DNAH8: variants seen among roughly 807,000 people sequenced by gnomAD.
The protein encoded by DNAH8 is dynein axonemal heavy chain 8, also known as axonemal beta dynein heavy chain 8.
Under a neutral mutation model 562.1 loss-of-function variants are expected in DNAH8, and 382 were observed. The ratio of observed to expected loss-of-function variants is 0.68; its 90% CI spans 0.63 to 0.74. The LOEUF is 0.74. Among genes scored for constraint, DNAH8 ranks in the 30% least tolerant of loss-of-function variants. DNAH8 has a pLI of 0.00. For synonymous variants in DNAH8, 1,881 were observed against 1,919.4 expected, an observed-to-expected ratio of 0.98 and a Z score of 0.52; for missense variants, 5,203 against 5,620.4, an observed-to-expected ratio of 0.93 and a Z score of 2.37.
At chr6:38,834,960 T>A (rs1226635408) in intron 32 of DNAH8, among the ~76,000 whole-genome samples, 1 of 152,146 alleles carries the variant, frequency 6.6e-6, no homozygotes, top group Non-Finnish European at 1.5e-5. Context: ...AAAATAATAT[T>A]TTAAATATTG....
chr6:39,026,070 T>C (rs1345073214), intron 91 of DNAH8, among the ~76,000 whole-genome samples: 1 of 152,258 alleles, frequency 6.6e-6, no homozygotes, highest in African/African-American at 2.4e-5. Context: ...GTTTTCTATT[T>C]TGGCATTATG....
chr6:39,008,910 T>G lies in DNAH8; in HGVS notation c.13311T>G (p.Ile4437Met), dbSNP rs747265665. The G allele has an allele frequency of 3.7e-6, 6 of 1,610,108 alleles. No individual in the cohort carries two copies. In the East Asian group the frequency reaches 8.9e-5, roughly 24 times the overall value. The change falls in exon 89 of 93, where the codon ATT becomes ATG. Residue 4437 changes from isoleucine (I) to methionine (M), a missense_variant. By Grantham distance (10) the Ile-to-Met change is conservative (BLOSUM62 1). Around this residue, in one of 6 missense-constraint regions of DNAH8, gnomAD observed 1,399 missense variants for 1,518.4 expected, o/e 0.92. Coordinates refer to ENST00000327475, the MANE Select transcript of DNAH8 (RefSeq NM_001206927.2). Reference sequence around the variant, plus strand: ...GTGTGGGAGAGACCCGGGAGGCTATTGTTTATAGATTATCTGAAGATATGC... The same window carrying G: ...GTGTGGGAGAGACCCGGGAGGCTATGGTTTATAGATTATCTGAAGATATGC... Reference protein sequence around the residue: ...GGGVGETREAIVYRLSEDMLS... With the variant: ...GGGVGETREAMVYRLSEDMLS...
At position 38,873,195 on chromosome 6, in the gene DNAH8, T is replaced by G. The variant is rs746935859; in HGVS notation, c.7480-41T>G. On this transcript the variant is annotated intron_variant, in intron 51 of 92. Transcript: ENST00000327475. ...AGAACCCTCAGAGTCTCTCCACGTT[T>G]CACTTTCTCAATAAACACAGATTCT... 4 of 1,612,606 alleles carry G rather than the reference T, an allele frequency of 2.5e-6. No individual in the cohort carries two copies. The South Asian group carries it at 4.4e-5, about 18-fold the overall frequency.
At chr6:38,906,776 TGTATCAGCACTTCC>T (rs1184172487) in intron 63 of DNAH8, among the ~76,000 whole-genome samples, 1 of 152,120 alleles carries the variant, frequency 6.6e-6, no homozygotes, top group Non-Finnish European at 1.5e-5. Context: ...TGAAACCGCT[TGTATCAGCACTTCC>T]GTGAGCACTC....
chr6:38,836,502 CA>C (rs1250661648), intron 32 of DNAH8, among the ~76,000 whole-genome samples: 1 of 123,856 alleles, frequency 8.1e-6, no homozygotes, highest in Non-Finnish European at 1.7e-5. Context: ...ACAACAACAA[CA>C]AAAAAACCAT....
At chr6:38,770,644 T>C in intron 12 of DNAH8, 85 bp downstream of exon 12, 1 of 1,276,688 alleles carries the variant, frequency 7.8e-7, no homozygotes, top group East Asian at 2.5e-5. Context: ...TTGAGAATTA[T>C]TGTTCCTGAT....
chr6:38,881,223 T>G (rs548476533), intron 53 of DNAH8, among the ~76,000 whole-genome samples: 2 of 152,186 alleles, frequency 1.3e-5, no homozygotes, highest in South Asian at 4.2e-4. Flanking sequence ...TCATTTTTGC[T>G]TACTTTCTCA....
intron 56 of DNAH8, among the ~76,000 whole-genome samples, chr6:38,884,574 A>G (rs925881501): frequency 1.3e-5 from 2 of 152,074 alleles, no homozygotes; most frequent in Admixed American, 6.6e-5. Flanking sequence ...GATTACAGGC[A>G]TGAGCCATCA....
intron 13 of DNAH8, among the ~76,000 whole-genome samples, chr6:38,777,210 G>T (rs12209872): frequency 0.21 from 31,472 of 152,052 alleles, 3,624 homozygotes; most frequent in Middle Eastern, 0.27. Context: ...GTTAGGTAGG[G>T]TGGAGTTTAC....
intron 55 of DNAH8, among the ~76,000 whole-genome samples, 165 bp downstream of exon 55, chr6:38,883,621 G>A (rs1778682370): frequency 1.3e-5 from 2 of 152,144 alleles, no homozygotes; most frequent in Admixed American, 6.5e-5. Flanking sequence ...AAGGTTGAAG[G>A]CAAATCCAAA....
chr6:39,001,295 C>G (rs949283348), intron 88 of DNAH8, among the ~76,000 whole-genome samples: 1 of 151,866 alleles, frequency 6.6e-6, no homozygotes, highest in African/African-American at 2.4e-5. Flanking sequence ...GAGATTTAAG[C>G]CTTTTCCTGC....
chr6:38,734,098 A>G (rs1763880469), intron 4 of DNAH8, among the ~76,000 whole-genome samples: 1 of 150,868 alleles, frequency 6.6e-6, no homozygotes, highest in Non-Finnish European at 1.5e-5. Context: ...AGCCTGGCCA[A>G]CAGTGAAACC....
chr6:38,807,281 T>TTAA (rs1771364188), intron 23 of DNAH8, among the ~76,000 whole-genome samples: 1 of 152,210 alleles, frequency 6.6e-6, no homozygotes, highest in Non-Finnish European at 1.5e-5. Context: ...TGTACCACAT[T>TTAA]TAAAGTGCTT....
At chr6:38,890,552 A>G (rs1336956140) in intron 57 of DNAH8, 100 bp from the exon 58 acceptor site, 1 of 846,684 alleles carries the variant, frequency 1.2e-6, no homozygotes, top group Non-Finnish European at 2.0e-6. Flanking sequence ...TCTGAACAAC[A>G]CCCAGCTTAG....
intron 21 of DNAH8, among the ~76,000 whole-genome samples, chr6:38,797,905 C>T (rs571067135): frequency 5.8e-4 from 89 of 152,174 alleles, no homozygotes; most frequent in African/African-American, 1.9e-3. Context: ...CTCCATCACT[C>T]GCAGCTGCCA....
rs534808016 is a variant in DNAH8 at position 38,726,805 on chromosome 6, G to A, written c.526-3097G>A. On this transcript the variant is annotated intron_variant, in intron 3 of 92. Coordinates refer to ENST00000327475, the MANE Select transcript of DNAH8 (RefSeq NM_001206927.2). ...GGAACAAGGGGTGGCATGATTTGGT[G>A]TGGTGCGGTTTAGGAAATTGGGGGT... Among the ~76,000 whole-genome samples, 6 of 150,888 alleles carry A rather than the reference G, an allele frequency of 4.0e-5. No individual in the cohort carries two copies. In the South Asian group the frequency reaches 1.0e-3, roughly 26 times the overall value.
intron 21 of DNAH8, 142 bp from the exon 22 acceptor site, chr6:38,803,037 G>A (rs543394298): frequency 9.1e-5 from 52 of 569,822 alleles, no homozygotes; most frequent in Non-Finnish European, 1.5e-4. Flanking sequence ...TGAATCTGAA[G>A]CATTATGCCA....
At chr6:39,013,579 C>T (rs775822542) in intron 91 of DNAH8, among the ~76,000 whole-genome samples, 2 of 152,136 alleles carry the variant, frequency 1.3e-5, no homozygotes, top group Admixed American at 6.6e-5. Flanking sequence ...GGGCCAGGAG[C>T]GATGGCTCAC....
chr6:39,023,230 C>T (rs755798165), intron 91 of DNAH8, among the ~76,000 whole-genome samples: 45 of 152,272 alleles, frequency 3.0e-4, no homozygotes, highest in African/African-American at 9.9e-4. Context: ...CAGTGGCTCA[C>T]GACTGTAATC....
Sources: allele counts gnomAD v4.1 joint callset (sites outside exome capture counted in the v4.1 genomes callset), GRCh38; gene constraint gnomAD v4.1.1; regional missense constraint gnomAD v4.1.1; transcripts MANE v1.5; gene names NCBI Gene and HGNC (gene_info 2026-07-23, HGNC 2026-07-21).